The following ALK variants were observed in gnomAD, a reference collection of about 807,000 sequenced individuals.
The protein encoded by ALK is ALK receptor tyrosine kinase.
ALK carries 74 observed loss-of-function variants against 163.1 expected under a neutral mutation model. The observed-to-expected ratio is 0.45, with a 90% CI of 0.38 to 0.55. The LOEUF is 0.55. ALK is among the 20% of genes least tolerant of loss of function. The pLI is 0.00. For missense variants in ALK, 2,063 were observed against 2,105.3 expected (o/e 0.98, Z 0.39); for synonymous variants, 960 against 843.2 (o/e 1.14, Z -2.40).
chr2:29,889,691 TAGACAGAGAGAG>T (rs1667089805), intron 1 of ALK, among the ~76,000 whole-genome samples: 1 of 23,308 alleles, frequency 4.3e-5, no homozygotes, highest in African/African-American at 1.2e-4. Context: ...TATAGATAGA[TAGACAGAGAGAG>T]AGAGAGAGAG....
chr2:29,421,278 A>G (rs1315728972), intron 4 of ALK, among the ~76,000 whole-genome samples: 1 of 151,590 alleles, frequency 6.6e-6, no homozygotes, highest in African/African-American at 2.4e-5. Flanking sequence ...CCAAGTGCCA[A>G]TGCTTGACTG....
At chr2:29,218,107 C>T in intron 23 of ALK, among the ~76,000 whole-genome samples, 1 of 152,124 alleles carries the variant, frequency 6.6e-6, no homozygotes, top group Non-Finnish European at 1.5e-5. Flanking sequence ...ATTGGTGGCT[C>T]TAGAGGGCCA....
chr2:29,811,520 C>T (rs1664759533), intron 1 of ALK, among the ~76,000 whole-genome samples: 1 of 152,166 alleles, frequency 6.6e-6, no homozygotes, highest in Non-Finnish European at 1.5e-5. Context: ...ATGGATGGAG[C>T]TTTCATGTAT....
intron 9 of ALK, among the ~76,000 whole-genome samples, chr2:29,295,191 C>A (rs1244318453): frequency 6.6e-6 from 1 of 152,200 alleles, no homozygotes; most frequent in Non-Finnish European, 1.5e-5. Flanking sequence ...GTCTGGTAAA[C>A]AGCCTTTAAC....
At chr2:29,864,653 TCATA>T (rs200034009) in intron 1 of ALK, among the ~76,000 whole-genome samples, 520 of 152,312 alleles carry the variant, frequency 3.4e-3, no homozygotes, top group African/African-American at 0.012. Flanking sequence ...TAGTATTTCT[TCATA>T]CATATTGTCT....
At chr2:29,618,405 T>C (rs547480877) in intron 3 of ALK, among the ~76,000 whole-genome samples, 61 of 151,950 alleles carry the variant, frequency 4.0e-4, no homozygotes, top group African/African-American at 1.5e-3. Flanking sequence ...GTCATCAGTT[T>C]GTCATTTTTT....
At position 29,333,507 on chromosome 2, in the gene ALK, C is replaced by T. The variant is rs75181853; in HGVS notation, c.1283-5026G>A. Among the ~76,000 whole-genome samples the T allele has an allele frequency of 7.4e-3, 1,127 of 152,208 alleles. 11 individuals are homozygous for T. Among genetic ancestry groups the T allele is most frequent in the Non-Finnish European group, 9.5e-3 (649 of 68,020 alleles). ...CGATTAGGTTCTTCCTGTTTTCATA[C>T]TGAGTTGTATGAGGTCATTAATAAG... On this transcript the variant is annotated intron_variant, in intron 5 of 28. Coordinates refer to ENST00000389048, the MANE Select transcript of ALK (RefSeq NM_004304.5).
chr2:29,198,644 C>T (rs1228677717), intron 26 of ALK, among the ~76,000 whole-genome samples: 1 of 152,180 alleles, frequency 6.6e-6, no homozygotes, highest in African/African-American at 2.4e-5. Flanking sequence ...CATCTACCAG[C>T]ACCATGTAAA....
intron 3 of ALK, among the ~76,000 whole-genome samples, chr2:29,546,226 T>C (rs1306806773): frequency 6.6e-6 from 1 of 152,324 alleles, no homozygotes. Context: ...GGTTTTTTTC[T>C]TTTACATCAA....
intron 4 of ALK, among the ~76,000 whole-genome samples, chr2:29,519,649 T>G (rs572089905): frequency 1.3e-5 from 2 of 152,278 alleles, no homozygotes; most frequent in South Asian, 2.1e-4. Flanking sequence ...AGAAAGTTGA[T>G]AGACAAGTGA....
rs143069404 is a variant in ALK, at chr2:29,799,506, A to AAAACAAACAAAC, written c.668-81821_668-81810dup. ...ACACAGTGGGATCCTGTCTCAAAACAAAACAAACAAACAAACAAACAAACA... is the reference window on the plus strand; with the variant it reads ...ACACAGTGGGATCCTGTCTCAAAACAAAACAAACAAACAAACAAACAAACAAACAAACAAACA... On this transcript the variant is annotated intron_variant, in intron 1 of 28. Coordinates refer to ENST00000389048, the MANE Select transcript of ALK (RefSeq NM_004304.5). 6.4e-3 allele frequency among the ~76,000 whole-genome samples: 974 copies of AAAACAAACAAAC among 151,460 alleles called. 10 individuals carry two copies. Among genetic ancestry groups the AAAACAAACAAAC allele is most frequent in the South Asian group, 0.04 (192 of 4,754 alleles).
chr2:29,774,475 T>C (rs1181293347), intron 1 of ALK, among the ~76,000 whole-genome samples: 10 of 152,214 alleles, frequency 6.6e-5, no homozygotes. Flanking sequence ...CTGACATACA[T>C]CTCTGTTTTG....
chr2:29,859,200 A>C (rs887379201), intron 1 of ALK, among the ~76,000 whole-genome samples: 5 of 152,182 alleles, frequency 3.3e-5, no homozygotes, highest in Admixed American at 6.5e-5. Context: ...AGGGTTATGT[A>C]CTGGGGATAG....
At chr2:29,840,961 C>CTA (rs1665681997) in intron 1 of ALK, among the ~76,000 whole-genome samples, 1 of 152,168 alleles carries the variant, frequency 6.6e-6, no homozygotes, top group Non-Finnish European at 1.5e-5. Flanking sequence ...TTCACCCTCA[C>CTA]TATACTGTCT....
At chr2:29,688,836 C>A (rs900461149) in intron 3 of ALK, among the ~76,000 whole-genome samples, 5 of 152,196 alleles carry the variant, frequency 3.3e-5, no homozygotes, top group Non-Finnish European at 5.9e-5. Context: ...TTCCTACAGA[C>A]AAACTGAAGT....
intron 10 of ALK, 34 bp downstream of exon 10, chr2:29,275,367 TG>T (rs2148215348): frequency 1.2e-6 from 2 of 1,611,732 alleles, no homozygotes; most frequent in Non-Finnish European, 1.7e-6. Context: ...CCATGGGGGT[TG>T]GGGGACAGAG....
intron 3 of ALK, among the ~76,000 whole-genome samples, chr2:29,598,460 G>A: frequency 6.6e-6 from 1 of 152,206 alleles, no homozygotes; most frequent in East Asian, 1.9e-4. Flanking sequence ...GGCATGGCAT[G>A]ATCCTAAAAC....
At chr2:29,557,732 G>T (rs1323968188) in intron 3 of ALK, among the ~76,000 whole-genome samples, 1 of 152,150 alleles carries the variant, frequency 6.6e-6, no homozygotes, top group Non-Finnish European at 1.5e-5. Flanking sequence ...ATATAATATA[G>T]TGTGAAAACA....
intron 4 of ALK, among the ~76,000 whole-genome samples, chr2:29,416,447 T>A (rs192310482): frequency 8.2e-4 from 125 of 152,352 alleles, no homozygotes; most frequent in African/African-American, 2.9e-3. Flanking sequence ...AAATATCAAA[T>A]GTGGCATCTA....
Sources: gnomAD v4.1 joint callset for allele counts (sites outside exome capture counted in the v4.1 genomes callset) on GRCh38, gnomAD v4.1.1 for gene constraint, MANE v1.5 for transcripts, NCBI Gene and HGNC (gene_info 2026-07-23, HGNC 2026-07-21) for gene names.